SNTB2: variants seen among roughly 807,000 people sequenced by gnomAD.
The protein encoded by SNTB2 is syntrophin beta 2.
A neutral mutation model predicts 46.2 loss-of-function variants in SNTB2; 34 were observed. The ratio of observed to expected loss-of-function variants is 0.74; its 90% CI spans 0.56 to 0.98. SNTB2 has a LOEUF of 0.98. Among genes scored for constraint, SNTB2 ranks in the 50% least tolerant of loss-of-function variants. The pLI, the probability that SNTB2 is intolerant of heterozygous loss-of-function variation, is 0.00. For synonymous variants in SNTB2, 290 were observed against 312.6 expected (o/e 0.93, Z 0.76); for missense variants, 603 against 731.4 (o/e 0.82, Z 2.02).
At chr16:69,252,187 G>C (rs902458028) in intron 2 of SNTB2, among the ~76,000 whole-genome samples, 5 of 152,032 alleles carry the variant, frequency 3.3e-5, no homozygotes, top group Admixed American at 2.6e-4. Context: ...CTGCTTTACT[G>C]CTTTGATTTA....
intron 5 of SNTB2, among the ~76,000 whole-genome samples, chr16:69,292,364 ATATATATATATATATTATATATATATTAT>A (rs1965168795): frequency 2.9e-5 from 1 of 34,802 alleles, no homozygotes; most frequent in Non-Finnish European, 5.3e-5. Flanking sequence ...TTATATATAT[ATATATATATATATATTATATATATATTAT>A]ATATATATAT....
intron 4 of SNTB2, among the ~76,000 whole-genome samples, chr16:69,281,905 C>CTTTTTTTTTT (rs776664092): frequency 1.6e-5 from 2 of 125,322 alleles, no homozygotes; most frequent in African/African-American, 6.1e-5. Flanking sequence ...TTGTTTCTCT[C>CTTTTTTTTTT]TTTTTTTTTT....
In SNTB2 at chr16:69,235,664, C is replaced by T. The variant is rs539766313; in HGVS notation, c.581-9938C>T. ...GAAAGAAAGAAAACAAAACAAAAAA[C>T]CCTGGCACCAATATGACAGCTTCAA... On this transcript the variant is annotated intron_variant, in intron 1 of 6. Coordinates refer to ENST00000336278, the MANE Select transcript of SNTB2 (RefSeq NM_006750.4). 3.3e-5 allele frequency: 41 copies of T among 1,226,080 alleles called. No homozygotes were observed. In the African/African-American group the frequency reaches 5.1e-4, roughly 15 times the overall value. The allele number at this position is 1,226,080 out of a possible 1,614,324, so 76.0% of individuals were successfully genotyped here. A position where few individuals can be genotyped will look rare whatever the true frequency, so the allele number is the denominator to read the frequency against.
chr16:69,278,932 GTT>G (rs1491482619), intron 4 of SNTB2, among the ~76,000 whole-genome samples: 21 of 144,966 alleles, frequency 1.4e-4, no homozygotes, highest in Non-Finnish European at 2.9e-4. Context: ...GTGTGTGTGT[GTT>G]AATAAACTCA....
chr16:69,302,208 A>G lies in SNTB2; in HGVS notation c.*1284A>G, dbSNP rs895024941. ...CTTTTGGTTAAGATTGCCAGATATC[A>G]TTAGGACACAGTAGCAGCAAGAATG... On this transcript the variant is annotated 3_prime_UTR_variant, in exon 7 of 7. Transcript: ENST00000336278. 6.6e-6 allele frequency: 1 copy of G among 152,236 alleles called. No individual in the cohort carries two copies. Among genetic ancestry groups the G allele is most frequent in the Non-Finnish European group, 1.5e-5 (1 of 68,034 alleles). The allele number at this position is 152,236 out of a possible 1,614,324, so 9.4% of individuals were successfully genotyped here. A position where few individuals can be genotyped will look rare whatever the true frequency, so the allele number is the denominator to read the frequency against.
At chr16:69,231,815 C>T (rs1402053810) in intron 1 of SNTB2, among the ~76,000 whole-genome samples, 1 of 152,042 alleles carries the variant, frequency 6.6e-6, no homozygotes. Context: ...TTTCAAAATG[C>T]CAACTCAAGA....
intron 2 of SNTB2, among the ~76,000 whole-genome samples, chr16:69,258,209 A>T (rs1464018781): frequency 6.6e-6 from 1 of 152,198 alleles, no homozygotes; most frequent in Non-Finnish European, 1.5e-5. Context: ...GCAGTTTGTC[A>T]ATTTGTAGCC....
chr16:69,268,586 C>G (rs917991912), intron 3 of SNTB2, among the ~76,000 whole-genome samples: 6 of 152,126 alleles, frequency 3.9e-5, no homozygotes, highest in African/African-American at 1.4e-4. Context: ...ACAGTGAGGC[C>G]AGGCGCGTTG....
chr16:69,227,922 A>C (rs1389603205), intron 1 of SNTB2, among the ~76,000 whole-genome samples: 1 of 144,752 alleles, frequency 6.9e-6, no homozygotes, highest in East Asian at 2.0e-4. Context: ...CAGTGGCATG[A>C]TCATAGCTCA....
chr16:69,257,128 G>A (rs991850397), intron 2 of SNTB2, among the ~76,000 whole-genome samples: 5 of 148,800 alleles, frequency 3.4e-5, no homozygotes, highest in African/African-American at 1.2e-4. Context: ...CTGAGATCGT[G>A]CCACTGTACT....
At chr16:69,240,565 C>T (rs1271933535) in intron 1 of SNTB2, 1 of 152,202 alleles carries the variant, frequency 6.6e-6, no homozygotes, top group African/African-American at 2.4e-5. Flanking sequence ...GTGCAAAATG[C>T]ACAGCCAGAT....
intron 4 of SNTB2, among the ~76,000 whole-genome samples, chr16:69,281,233 AT>A (rs766538644): frequency 0.024 from 3,427 of 140,670 alleles, 101 homozygotes; most frequent in African/African-American, 0.075. Flanking sequence ...TATGTTATAG[AT>A]TTTTTTTTTT....
chr16:69,246,944 T>A (rs1964675927), intron 2 of SNTB2, among the ~76,000 whole-genome samples: 1 of 149,336 alleles, frequency 6.7e-6, no homozygotes, highest in Non-Finnish European at 1.5e-5. Flanking sequence ...ATATACCTAA[T>A]GCTAGATGAC....
chr16:69,270,113 C>T (rs750454902), intron 3 of SNTB2, 30 bp from the exon 4 acceptor site: 6 of 1,612,992 alleles, frequency 3.7e-6, no homozygotes, highest in African/African-American at 1.3e-5. Context: ...TATAGTTAGC[C>T]CTGATTTCTG....
In SNTB2 at chr16:69,301,066, C is replaced by T. The variant is rs1034785439; in HGVS notation, c.*142C>T. 5.0e-6 allele frequency: 3 copies of T among 597,256 alleles called. No individual in the cohort carries two copies. The highest frequency in any genetic ancestry group is 4.0e-4 in the Middle Eastern group (1 of 2,498). 37.0% of individuals were successfully genotyped at this position (597,256 alleles called of 1,614,324 possible). On this transcript the variant is annotated 3_prime_UTR_variant, in exon 7 of 7. Transcript: ENST00000336278. ...CTGCAAATAACTGCTGAACCATAAC[C>T]GTGTTTAAAGAAGAGCCTACCTTTC... is the stretch of plus-strand genomic sequence containing the variant.
At chr16:69,284,532 G>A (rs974256530) in intron 5 of SNTB2, among the ~76,000 whole-genome samples, 10 of 149,322 alleles carry the variant, frequency 6.7e-5, no homozygotes, top group African/African-American at 1.7e-4. Context: ...CCAGAGCTTT[G>A]GGAGGCCGAG....
At chr16:69,296,731 AAAG>A (rs1323506100) in intron 5 of SNTB2, among the ~76,000 whole-genome samples, 1 of 151,136 alleles carries the variant, frequency 6.6e-6, no homozygotes, top group Non-Finnish European at 1.5e-5. Flanking sequence ...AAAAAAAAAA[AAAG>A]AAAAAAGAAA....
At position 69,301,826 on chromosome 16, in the gene SNTB2, C is replaced by G. The variant is rs2143213327; in HGVS notation, c.*902C>G. On this transcript the variant is annotated 3_prime_UTR_variant, in exon 7 of 7. Transcript: ENST00000336278. ...GCTTTATTAGTCACTATTTGAATAA[C>G]TGGAAATCACTGCCATTTCCAGGAG... The G allele has an allele frequency of 6.6e-6, 1 of 152,618 alleles. No individual in the cohort carries two copies. The highest frequency in any genetic ancestry group is 1.9e-4 in the East Asian group (1 of 5,182). The allele number at this position is 152,618 out of a possible 1,614,324, so 9.5% of individuals were successfully genotyped here.
intron 1 of SNTB2, among the ~76,000 whole-genome samples, chr16:69,209,825 T>C (rs1335567605): frequency 2.6e-5 from 4 of 152,112 alleles, no homozygotes; most frequent in East Asian, 1.9e-4. Flanking sequence ...CTTTTTCTTA[T>C]ATAACCGAAT....
Sources: allele counts gnomAD v4.1 joint callset (sites outside exome capture counted in the v4.1 genomes callset), GRCh38; gene constraint gnomAD v4.1.1; transcripts MANE v1.5; gene names NCBI Gene and HGNC (gene_info 2026-07-23, HGNC 2026-07-21).